TBC1D19: variants seen among roughly 807,000 people sequenced by gnomAD.
TBC1D19 encodes TBC1 domain family member 19, also known as TBC1 domain family, member 19.
In TBC1D19, 60 loss-of-function variants were observed where a neutral mutation model predicts 89.0. The observed-to-expected ratio is 0.67, with a 90% CI of 0.55 to 0.84. The LOEUF is 0.84. Ranked by LOEUF, TBC1D19 falls within the 40% of genes least tolerant of loss-of-function variation. The probability of loss-of-function intolerance (pLI) is 0.00; values close to 1 mark genes in which losing one functional copy is unlikely to be tolerated. For missense variants in TBC1D19, 500 were observed against 610.8 expected (o/e 0.82, Z 1.91); for synonymous variants, 189 against 199.7 (o/e 0.95, Z 0.45).
chr4:26,834,788 G>A, the TBC1D19 span, among the ~76,000 whole-genome samples: 1 of 152,132 alleles, frequency 6.6e-6, no homozygotes, highest in Non-Finnish European at 1.5e-5. Flanking sequence ...TATTTTGCCA[G>A]GGAGACCCCA....
chr4:26,699,090 G>T (rs1052995390), intron 13 of TBC1D19, among the ~76,000 whole-genome samples: 22 of 152,114 alleles, frequency 1.4e-4, no homozygotes, highest in Non-Finnish European at 2.6e-4. Flanking sequence ...TACAGAATGG[G>T]AGAAAGTTTT....
chr4:26,626,843 ATTTT>A (rs1173665512), intron 4 of TBC1D19, among the ~76,000 whole-genome samples: 1 of 145,416 alleles, frequency 6.9e-6, no homozygotes, highest in Non-Finnish European at 1.5e-5. Flanking sequence ...ATTTTTATTT[ATTTT>A]ATTTTTTATT....
intron 1 of TBC1D19, among the ~76,000 whole-genome samples, chr4:26,592,915 A>G (rs1390602979): frequency 3.9e-5 from 6 of 152,164 alleles, no homozygotes; most frequent in Non-Finnish European, 8.8e-5. Flanking sequence ...CATACTGCCC[A>G]AGGTAATTTA....
intron 1 of TBC1D19, among the ~76,000 whole-genome samples, chr4:26,578,355 A>G (rs1739012324): frequency 6.6e-6 from 1 of 152,152 alleles, no homozygotes; most frequent in East Asian, 1.9e-4. Flanking sequence ...GACAGGTCCA[A>G]CTGCAATCTT....
Position 26,755,432 on chromosome 4 carries a change from T to G in TBC1D19, c.*485T>G, listed in dbSNP as rs1290218714. ...TGAGAACACTTGAAAAAGATAATGT[T>G]TTTAAGTAGGAATTCAAAAGTTGCT... On this transcript the variant is annotated 3_prime_UTR_variant, in exon 21 of 21. Transcript: ENST00000264866. 6.6e-6 allele frequency: 1 copy of G among 152,046 alleles called. No homozygotes were observed. The highest frequency in any genetic ancestry group is 1.9e-4 in the East Asian group (1 of 5,194). 9.4% of individuals were successfully genotyped at this position (152,046 alleles called of 1,614,324 possible).
the TBC1D19 span, among the ~76,000 whole-genome samples, chr4:26,792,371 CAG>C: frequency 6.6e-6 from 1 of 152,056 alleles, no homozygotes; most frequent in African/African-American, 2.4e-5. Flanking sequence ...AGGGACTTAA[CAG>C]AAGTGAAATT....
At chr4:26,668,063 A>G (rs948750491) in intron 9 of TBC1D19, among the ~76,000 whole-genome samples, 2 of 151,998 alleles carry the variant, frequency 1.3e-5, no homozygotes, top group African/African-American at 4.8e-5. Context: ...TGGTAGAGCC[A>G]GGATTCAAAA....
At chr4:26,614,865 A>C (rs1157777091) in intron 3 of TBC1D19, among the ~76,000 whole-genome samples, 1 of 152,096 alleles carries the variant, frequency 6.6e-6, no homozygotes, top group African/African-American at 2.4e-5. Flanking sequence ...TTTAGTAGAG[A>C]TAGGGTTTCA....
intron 13 of TBC1D19, among the ~76,000 whole-genome samples, chr4:26,716,482 C>T (rs1473514134): frequency 2.0e-5 from 3 of 151,984 alleles, no homozygotes; most frequent in African/African-American, 4.8e-5. Flanking sequence ...TAACTAAAGG[C>T]GTACATATTT....
chr4:26,682,119 A>G (rs1199287235), intron 11 of TBC1D19, among the ~76,000 whole-genome samples: 2 of 152,200 alleles, frequency 1.3e-5, no homozygotes, highest in Admixed American at 6.5e-5. Flanking sequence ...ATTTTTAAAT[A>G]GAGGCAAACC....
intron 1 of TBC1D19, among the ~76,000 whole-genome samples, chr4:26,577,298 T>C (rs75636229): frequency 0.018 from 2,791 of 151,736 alleles, 94 homozygotes; most frequent in African/African-American, 0.064. Context: ...TGTGTGTGTG[T>C]GTGCGTGTGT....
chr4:26,656,993 C>CCTTCTCCTT (rs1744881997), intron 7 of TBC1D19, among the ~76,000 whole-genome samples: 1 of 33,334 alleles, frequency 3.0e-5, no homozygotes, highest in Non-Finnish European at 5.8e-5. Context: ...TTCTTCTTCT[C>CCTTCTCCTT]CTTCTCCTTC....
the TBC1D19 span, among the ~76,000 whole-genome samples, chr4:26,835,401 A>G: frequency 6.6e-6 from 1 of 152,198 alleles, no homozygotes. Flanking sequence ...CCAGACCTAT[A>G]AGATAATAAA....
intron 4 of TBC1D19, 50 bp from the exon 5 acceptor site, chr4:26,637,161 G>A: frequency 7.7e-7 from 1 of 1,294,628 alleles, no homozygotes; most frequent in Non-Finnish European, 1.1e-6. Context: ...TTTTTTATTA[G>A]TTTTAGTATT....
chr4:26,742,801 G>A (rs73249853), intron 18 of TBC1D19, among the ~76,000 whole-genome samples: 1 of 151,916 alleles, frequency 6.6e-6, no homozygotes, highest in Non-Finnish European at 1.5e-5. Flanking sequence ...TCCTAATAAA[G>A]TCTTATTTAC....
At chr4:26,789,774 A>ATGCACTCAT in the TBC1D19 span, among the ~76,000 whole-genome samples, 1 of 152,198 alleles carries the variant, frequency 6.6e-6, no homozygotes, top group Non-Finnish European at 1.5e-5. Flanking sequence ...CACCATAGGA[A>ATGCACTCAT]AGTCATGAGT....
chr4:26,700,606 T>G (rs931016934), intron 13 of TBC1D19, among the ~76,000 whole-genome samples: 2 of 152,210 alleles, frequency 1.3e-5, no homozygotes, highest in Non-Finnish European at 2.9e-5. Context: ...AAAGTATTGA[T>G]TACAGATTGT....
At chr4:26,823,529 A>G in the TBC1D19 span, among the ~76,000 whole-genome samples, 1 of 152,158 alleles carries the variant, frequency 6.6e-6, no homozygotes, top group Non-Finnish European at 1.5e-5. Flanking sequence ...TGGGGTGTGG[A>G]ATTGCCAGAG....
the TBC1D19 span, among the ~76,000 whole-genome samples, chr4:26,761,938 C>A: frequency 1.3e-5 from 2 of 151,916 alleles, no homozygotes; most frequent in African/African-American, 4.8e-5. Flanking sequence ...ACCAGTCTGG[C>A]CAACATGGTG....
Sources: allele counts gnomAD v4.1 joint callset (sites outside exome capture counted in the v4.1 genomes callset), GRCh38; gene constraint gnomAD v4.1.1; transcripts MANE v1.5; gene names NCBI Gene and HGNC (gene_info 2026-07-23, HGNC 2026-07-21).